Variants in CFAP20DC observed in about 807,000 individuals in gnomAD.
CFAP20DC encodes the protein protein CFAP20DC.
A neutral mutation model predicts 101.7 loss-of-function variants in CFAP20DC; 84 were observed. The ratio of observed to expected loss-of-function variants is 0.83; its 90% CI spans 0.69 to 0.99. The LOEUF (loss-of-function observed/expected upper bound fraction) is 0.99. CFAP20DC is among the 50% of genes least tolerant of loss of function. CFAP20DC has a pLI of 0.00. For missense variants in CFAP20DC, 1,007 were observed against 970.3 expected, an observed-to-expected ratio of 1.04 and a Z score of -0.50; for synonymous variants, 359 against 351.2, an observed-to-expected ratio of 1.02 and a Z score of -0.25.
At chr3:58,916,052 T>C (rs2084674598) in intron 5 of CFAP20DC, among the ~76,000 whole-genome samples, 5 of 152,158 alleles carry the variant, frequency 3.3e-5, no homozygotes, top group Admixed American at 3.3e-4. Context: ...AAATACTGTA[T>C]ACATCTGAGC....
intron 12 of CFAP20DC, among the ~76,000 whole-genome samples, chr3:58,858,498 G>A (rs1269811198): frequency 6.6e-6 from 1 of 152,110 alleles, no homozygotes; most frequent in African/African-American, 2.4e-5. Flanking sequence ...AATGACTCTT[G>A]AGGGCCACCT....
intron 4 of CFAP20DC, among the ~76,000 whole-genome samples, chr3:58,950,590 T>C (rs2089987315): frequency 6.6e-6 from 1 of 151,898 alleles, no homozygotes; most frequent in African/African-American, 2.4e-5. Context: ...AGAACAGAAC[T>C]CTCAGAAATA....
Position 58,773,178 on chromosome 3 carries a change from TA to T in CFAP20DC, c.2238-19316del, listed in dbSNP as rs575692805. 1.1e-4 allele frequency among the ~76,000 whole-genome samples: 16 copies of T among 152,124 alleles called. No individual in the cohort carries two copies. The East Asian group carries it at 2.7e-3, about 26-fold the overall frequency. On this transcript the variant is annotated intron_variant, in intron 15 of 16. Transcript: ENST00000482387. Reference sequence around the variant, plus strand: ...GTGTTAGATTGGTCCCTTGACCAACTAAGGAGAGAGTGAAGTGGGTTTTCTT... The same window carrying T: ...GTGTTAGATTGGTCCCTTGACCAACTAGGAGAGAGTGAAGTGGGTTTTCTT...
At chr3:58,853,786 G>C (rs1181458659) in intron 12 of CFAP20DC, among the ~76,000 whole-genome samples, 11 of 152,136 alleles carry the variant, frequency 7.2e-5, no homozygotes, top group Admixed American at 2.0e-4. Context: ...ATTCAACAAC[G>C]CTTCATGCTA....
At chr3:58,855,907 G>C (rs2108390786) in intron 12 of CFAP20DC, among the ~76,000 whole-genome samples, 1 of 150,974 alleles carries the variant, frequency 6.6e-6, no homozygotes, top group Non-Finnish European at 1.5e-5. Flanking sequence ...AGTGGGTGCA[G>C]CGCACCAGCA....
At chr3:59,021,411 G>A (rs1047223663) in intron 4 of CFAP20DC, among the ~76,000 whole-genome samples, 4 of 152,060 alleles carry the variant, frequency 2.6e-5, no homozygotes, top group African/African-American at 9.7e-5. Flanking sequence ...GCAGGTGACT[G>A]AGAGAAAAAT....
At chr3:58,849,500 C>G in intron 12 of CFAP20DC, 91 bp from the exon 13 acceptor site, 1 of 988,558 alleles carries the variant, frequency 1.0e-6, no homozygotes, top group Non-Finnish European at 1.4e-6. Flanking sequence ...TTCATATTTT[C>G]TATGAATAAA....
In CFAP20DC at chr3:58,841,033, C is replaced by T. The variant is rs150771053; in HGVS notation, c.1971+7999G>A. Among the ~76,000 whole-genome samples the T allele has an allele frequency of 6.9e-4, 105 of 152,290 alleles. No homozygotes were observed. In the Middle Eastern group the frequency reaches 0.01, roughly 15 times the overall value. On this transcript the variant is annotated intron_variant, in intron 13 of 16. Coordinates refer to ENST00000482387, the MANE Select transcript of CFAP20DC (RefSeq NM_001394063.1). ...ATGCAGATAGCTTTGACAGAGGGTT[C>T]TGTTTGGGGAAGGCTATTTATCAAA...
At chr3:58,768,188 A>C (rs1342012058) in intron 15 of CFAP20DC, among the ~76,000 whole-genome samples, 2 of 152,138 alleles carry the variant, frequency 1.3e-5, no homozygotes, top group Admixed American at 1.3e-4. Context: ...GCTTCCCTGG[A>C]ACTTCTCAAA....
intron 15 of CFAP20DC, among the ~76,000 whole-genome samples, chr3:58,768,432 C>T (rs187250499): frequency 2.6e-5 from 4 of 152,228 alleles, no homozygotes; most frequent in South Asian, 2.1e-4. Flanking sequence ...TGGTTTAACA[C>T]GAGCGGGAAT....
intron 3 of CFAP20DC, chr3:58,734,634 C>T (rs1429369674): frequency 2.0e-5 from 9 of 453,680 alleles, no homozygotes; most frequent in South Asian, 4.7e-5. Flanking sequence ...CTCTGCAAAG[C>T]TCCCTGGGCA....
intron 4 of CFAP20DC, among the ~76,000 whole-genome samples, chr3:58,993,386 G>T (rs2108642690): frequency 6.6e-6 from 1 of 152,026 alleles, no homozygotes; most frequent in Non-Finnish European, 1.5e-5. Context: ...CCCTAATTCT[G>T]GCCTCTTCTC....
At chr3:58,794,250 C>A in intron 15 of CFAP20DC, 1 of 435,376 alleles carries the variant, frequency 2.3e-6, no homozygotes, top group African/African-American at 2.0e-5. Context: ...CATGCCTACA[C>A]CAAACATCCA....
chr3:59,037,584 C>G (rs2094127122), intron 4 of CFAP20DC, among the ~76,000 whole-genome samples: 1 of 152,108 alleles, frequency 6.6e-6, no homozygotes, highest in Non-Finnish European at 1.5e-5. Flanking sequence ...CAATGAGATA[C>G]CATCTCATGC....
chr3:59,033,233 A>G (rs1462718871), intron 4 of CFAP20DC, among the ~76,000 whole-genome samples: 1 of 152,216 alleles, frequency 6.6e-6, no homozygotes, highest in Non-Finnish European at 1.5e-5. Context: ...AAATCCACAA[A>G]GATGAGGAAA....
chr3:58,816,158 C>T (rs1365640157), intron 14 of CFAP20DC, among the ~76,000 whole-genome samples: 2 of 151,892 alleles, frequency 1.3e-5, no homozygotes, highest in African/African-American at 4.8e-5. Context: ...GGCACACATA[C>T]ACCATGGAAT....
At position 59,004,914 on chromosome 3, in the gene CFAP20DC, T is replaced by C. The variant is rs17060009; in HGVS notation, c.278+34643A>G. ...GGCCAGAGAAAGTACCTTATAACAA[T>C]GAGATTCCTAACTACCTATGTAACC... On this transcript the variant is annotated intron_variant, in intron 4 of 16. Transcript: ENST00000482387. Among the ~76,000 whole-genome samples the C allele has an allele frequency of 5.2e-3, 798 of 152,310 alleles. 6 individuals carry two copies. The highest frequency in any genetic ancestry group is 0.017 in the African/African-American group (722 of 41,578).
At chr3:58,841,915 T>C (rs1014098447) in intron 13 of CFAP20DC, among the ~76,000 whole-genome samples, 6 of 152,220 alleles carry the variant, frequency 3.9e-5, no homozygotes, top group South Asian at 2.1e-4. Flanking sequence ...CATTTGCCAG[T>C]TTAAAATGAT....
At chr3:58,765,686 T>C (rs1280381215) in intron 15 of CFAP20DC, among the ~76,000 whole-genome samples, 1 of 152,192 alleles carries the variant, frequency 6.6e-6, no homozygotes, top group Non-Finnish European at 1.5e-5. Context: ...AGCATTGAGC[T>C]ACCTGCTATC....
Sources: allele counts gnomAD v4.1 joint callset (sites outside exome capture counted in the v4.1 genomes callset), GRCh38; gene constraint gnomAD v4.1.1; transcripts MANE v1.5; gene names NCBI Gene and HGNC (gene_info 2026-07-23, HGNC 2026-07-21).